ATG9A: variants seen among roughly 807,000 people sequenced by gnomAD.
ATG9A encodes autophagy-related protein 9A.
ATG9A carries 21 observed loss-of-function variants against 87.1 expected under a neutral mutation model. The observed-to-expected ratio is 0.24, with a 90% confidence interval of 0.17 to 0.35. ATG9A has a LOEUF of 0.35. ATG9A is among the 10% of genes least tolerant of loss of function. The pLI is 1.00. For synonymous variants in ATG9A, 422 were observed against 441.3 expected (o/e 0.96, Z 0.55); for missense variants, 836 against 1,107.3 (o/e 0.76, Z 3.48).
Position 219,225,151 on chromosome 2 carries a change from G to T in ATG9A, c.436C>A (p.Arg146=), listed in dbSNP as rs779422262. Residue 146 remains arginine, a synonymous_variant, in exon 7 of 16, where the codon CGG becomes AGG. Coordinates refer to ENST00000361242, the MANE Select transcript of ATG9A (RefSeq NM_001077198.3). ...ATGTTATAGATGAACTTGATAAGCC[G>T]GTGGATCCAGAAGACACCAGCAATG... ...LVIAGVFWIH[R]LIKFIYNICC... 3 of 1,614,046 alleles carry T rather than the reference G, an allele frequency of 1.9e-6. No individual in the cohort carries two copies. Among genetic ancestry groups the T allele is most frequent in the Admixed American group, 1.7e-5 (1 of 60,004 alleles).
rs777924428 is a variant in ATG9A, at chr2:219,222,703, C to A, written c.1790G>T (p.Gly597Val). ...DGAAASLAQGGLLPENALFTS... is the reference protein window; with the variant it reads ...DGAAASLAQGVLLPENALFTS... ...AAAGAGGGCATTTTCAGGGAGCAGA[C>A]CCCCTTGGGCGAGGCTAGCAGCTGC... Residue 597 changes from glycine (G) to valine (V), a missense_variant, in exon 11 of 16, where the codon GGT (glycine) becomes GTT (valine). Gly to Val is a moderately radical substitution (Grantham distance 109). This residue lies in a region of ATG9A where 324 missense variants were observed against 347.6 expected (regional missense o/e 0.93). Coordinates refer to ENST00000361242, the MANE Select transcript of ATG9A (RefSeq NM_001077198.3). This position sits in a 1 kb window ranked among gnomAD's most constrained non-coding sequence, Gnocchi z 4.3. The A allele has an allele frequency of 1.9e-6, 3 of 1,614,084 alleles. No homozygotes were observed. The highest frequency in any genetic ancestry group is 1.3e-5 in the African/African-American group (1 of 74,938).
Position 219,220,798 on chromosome 2 carries a change from CT to C in ATG9A, c.2462del (p.Glu821GlyfsTer23). ...CCTCCGAGCCCTCTTCGGGCACGGG[CT>C]CAGGGTGCCTTGATGCCGACTGCCC... ...EDGQSASRHPEPVPEEGSEDE... is the reference protein window; with the variant it reads ...EDGQSASRHPXPVPEEGSEDE... On this transcript the variant is annotated frameshift_variant, in exon 15 of 16. Coordinates refer to ENST00000361242, the MANE Select transcript of ATG9A (RefSeq NM_001077198.3). LOFTEE classifies it high-confidence loss of function. 6.2e-7 allele frequency: 1 copy of C among 1,613,486 alleles called. No individual in the cohort carries two copies.
In ATG9A at chr2:219,226,882, T is replaced by G; in HGVS notation, c.199A>C (p.Ile67Leu). Reference sequence around the variant, plus strand: ...TCTTATACTTACATGAGCTCAAAGATCTCCCCGATGAGCATACATGTGAAG... The same window carrying G: ...TCTTATACTTACATGAGCTCAAAGAGCTCCCCGATGAGCATACATGTGAAG... Reference protein sequence around the residue: ...NGFTCMLIGEIFELMQFLFVV... With the variant: ...NGFTCMLIGELFELMQFLFVV... Residue 67 changes from isoleucine to leucine, a missense_variant, in exon 5 of 16, where the codon ATC becomes CTC. Transcript: ENST00000361242. 6.2e-7 allele frequency: 1 copy of G among 1,612,896 alleles called. No individual in the cohort carries two copies. Among genetic ancestry groups the G allele is most frequent in the South Asian group, 1.1e-5 (1 of 91,078 alleles).
Position 219,224,638 on chromosome 2 carries a change from G to C in ATG9A, c.733C>G (p.Arg245Gly). Residue 245 changes from arginine to glycine, a missense_variant, in exon 8 of 16, where the codon CGT (arginine) becomes GGT (glycine). This residue lies in a region of ATG9A where 512 missense variants were observed against 759.6 expected (regional missense o/e 0.67). Coordinates refer to ENST00000361242, the MANE Select transcript of ATG9A (RefSeq NM_001077198.3). The surrounding 1 kb of genome is among the most constrained non-coding windows in gnomAD (Gnocchi z 7.7). ...AGCTCAAAGTTGTACTTGAGACCACGGGTGAAGAAGACAGCTTCCCCGAGG... is the reference window on the plus strand; with the variant it reads ...AGCTCAAAGTTGTACTTGAGACCACCGGTGAAGAAGACAGCTTCCCCGAGG... ...PGLGEAVFFT[R>G]GLKYNFELIL... is the part of the protein sequence containing the mutation. The C allele has an allele frequency of 1.9e-6, 3 of 1,614,220 alleles. No individual in the cohort carries two copies. The highest frequency in any genetic ancestry group is 2.5e-6 in the Non-Finnish European group (3 of 1,180,048).
At chr2:219,226,725 C>T (rs1241391373) in intron 5 of ATG9A, 144 bp downstream of exon 5, 3 of 721,044 alleles carry the variant, frequency 4.2e-6, no homozygotes, top group Non-Finnish European at 7.3e-6. Context: ...TTTGGTGCCA[C>T]ACCCAGTCCC....
chr2:219,228,038 T>A lies in ATG9A; in HGVS notation c.-14A>T. ...AAACTGCGCCATCACCACCGCCCCCTGTCCACCTTGACCACCTGCCAATAA... is the reference window on the plus strand; with the variant it reads ...AAACTGCGCCATCACCACCGCCCCCAGTCCACCTTGACCACCTGCCAATAA... On this transcript the variant is annotated 5_prime_UTR_variant, in exon 3 of 16. Transcript: ENST00000361242. 6.2e-7 allele frequency: 1 copy of A among 1,606,560 alleles called. No individual in the cohort carries two copies. Among genetic ancestry groups the A allele is most frequent in the Non-Finnish European group, 8.5e-7 (1 of 1,174,898 alleles).
chr2:219,224,843 C>T lies in ATG9A; in HGVS notation c.528G>A (p.Pro176=), dbSNP rs375319828. The change falls in exon 8 of 16, where the codon CCG becomes CCA. Residue 176 remains proline, a synonymous_variant. Transcript: ENST00000361242. The surrounding 1 kb of genome is among the most constrained non-coding windows in gnomAD (Gnocchi z 7.7). ...HALRIPMSAL[P]YCTWQEVQAR... ...CCTGCACTTCTTGCCACGTGCAATA[C>T]GGAAGGGCAGACTGCGGGGTGGGGT... is the stretch of plus-strand genomic sequence containing the variant. 5.9e-5 allele frequency: 94 copies of T among 1,599,212 alleles called. No individual in the cohort carries two copies. Among genetic ancestry groups the T allele is most frequent in the South Asian group, 4.8e-4 (43 of 90,206 alleles).
Position 219,222,334 on chromosome 2 carries a change from G to A in ATG9A, c.1965C>T (p.Phe655=). 2 of 1,613,340 alleles carry A rather than the reference G, an allele frequency of 1.2e-6. No individual in the cohort carries two copies. Among genetic ancestry groups the A allele is most frequent in the Middle Eastern group, 1.6e-4 (1 of 6,062 alleles). The change falls in exon 12 of 16, where the codon TTC becomes TTT. Residue 655 remains phenylalanine, a synonymous_variant. Coordinates refer to ENST00000361242, the MANE Select transcript of ATG9A (RefSeq NM_001077198.3). This position sits in a 1 kb window ranked among gnomAD's most constrained non-coding sequence, Gnocchi z 4.3. ...GCGCCTGCCCGGGTTGCAGCGGGGA[G>A]AAGGAGCGCAGGGCAGAGGCGACTT... The part of the protein sequence containing the change: ...RAEVASALRS[F]SPLQPGQAPT...
chr2:219,221,386 C>T (rs1574825503), intron 13 of ATG9A, 84 bp from the exon 14 acceptor site: 1 of 1,261,898 alleles, frequency 7.9e-7, no homozygotes, highest in Non-Finnish European at 1.1e-6. Flanking sequence ...TCAGTCAGTT[C>T]CCGCTTTACC....
Position 219,227,759 on chromosome 2 carries a change from A to G in ATG9A, c.147+11T>C. ...GGTCCCAGAGCTCCAACTCAGAAACACAAAGGATATTCGAGAGAAGAAGAG... is the reference window on the plus strand; with the variant it reads ...GGTCCCAGAGCTCCAACTCAGAAACGCAAAGGATATTCGAGAGAAGAAGAG... On this transcript the variant is annotated intron_variant, in intron 4 of 15. Coordinates refer to ENST00000361242, the MANE Select transcript of ATG9A (RefSeq NM_001077198.3). 3.1e-6 allele frequency: 5 copies of G among 1,613,852 alleles called. No homozygotes were observed. The highest frequency in any genetic ancestry group is 4.2e-6 in the Non-Finnish European group (5 of 1,179,728).
intron 5 of ATG9A, 82 bp downstream of exon 5, chr2:219,226,787 G>A: frequency 3.0e-6 from 4 of 1,329,430 alleles, no homozygotes; most frequent in Non-Finnish European, 4.3e-6. Flanking sequence ...TGTACTGGCA[G>A]GTTGGGCCAA....
intron 7 of ATG9A, 52 bp downstream of exon 7, chr2:219,225,019 C>T (rs1950833369): frequency 1.2e-6 from 2 of 1,607,296 alleles, no homozygotes; most frequent in Non-Finnish European, 1.7e-6. Context: ...TACACCCACA[C>T]CTCCCAATAC....
In ATG9A at chr2:219,224,951, G is replaced by C; in HGVS notation, c.517-97C>G. On this transcript the variant is annotated intron_variant, in intron 7 of 15. Coordinates refer to ENST00000361242, the MANE Select transcript of ATG9A (RefSeq NM_001077198.3). The surrounding 1 kb of genome is among the most constrained non-coding windows in gnomAD (Gnocchi z 7.7). ...TAGAAGTGAGATTCAGGGGTTGTGA[G>C]CTTAAGAGACAGTTCCTGATTTGTC... is the stretch of plus-strand genomic sequence containing the variant. 1 of 1,577,128 alleles carries C rather than the reference G, an allele frequency of 6.3e-7. No homozygotes were observed. The highest frequency in any genetic ancestry group is 8.7e-7 in the Non-Finnish European group (1 of 1,155,074).
At chr2:219,227,613 A>C (rs1950889136) in intron 4 of ATG9A, among the ~76,000 whole-genome samples, 157 bp downstream of exon 4, 3 of 152,200 alleles carry the variant, frequency 2.0e-5, no homozygotes, top group Admixed American at 6.5e-5. Context: ...GGCTATCATT[A>C]CTTAACGATG....
rs563118525 is a variant in ATG9A, at chr2:219,223,517, G to A, written c.1599+68C>T. ...TGACTCAGGAGAGGTGTCTTTTTGC[G>A]GTTTTCCCAAAGACACTGTATGTTC... On this transcript the variant is annotated intron_variant, in intron 10 of 15. Coordinates refer to ENST00000361242, the MANE Select transcript of ATG9A (RefSeq NM_001077198.3). The surrounding 1 kb of genome is among the most constrained non-coding windows in gnomAD (Gnocchi z 4.7). 50 of 1,493,856 alleles carry A rather than the reference G, an allele frequency of 3.3e-5. No individual in the cohort carries two copies. Among genetic ancestry groups the A allele is most frequent in the East Asian group, 2.7e-4 (12 of 43,842 alleles). The allele number at this position is 1,493,856 out of a possible 1,614,324, so 92.5% of individuals were successfully genotyped here.
rs1950956658 is a variant in ATG9A at position 219,229,409 on chromosome 2, C to CCCCCG, written c.-82+121_-82+125dup. 1 of 152,166 alleles carries CCCCCG rather than the reference C, an allele frequency of 6.6e-6. No homozygotes were observed. The highest frequency in any genetic ancestry group is 2.4e-5 in the African/African-American group (1 of 41,352). 9.4% of individuals were successfully genotyped at this position (152,166 alleles called of 1,614,324 possible). On this transcript the variant is annotated intron_variant, in intron 1 of 15. Coordinates refer to ENST00000361242, the MANE Select transcript of ATG9A (RefSeq NM_001077198.3). The surrounding 1 kb of genome is among the most constrained non-coding windows in gnomAD (Gnocchi z 4.2). Reference sequence around the variant, plus strand: ...GCAATCAAAACATTCCGGCTGCGCGCCCCCGCCCCGCCGGCGGCGCCCCTT... The same window carrying CCCCCG: ...GCAATCAAAACATTCCGGCTGCGCGCCCCCGCCCCGCCCCGCCGGCGGCGCCCCTT...
chr2:219,222,041 T>C lies in ATG9A; in HGVS notation c.2145+9A>G, dbSNP rs376745930. 3.1e-6 allele frequency: 5 copies of C among 1,611,406 alleles called. No homozygotes were observed. The African/African-American group carries it at 4.0e-5, about 13-fold the overall frequency. On this transcript the variant is annotated intron_variant, in intron 13 of 15. Transcript: ENST00000361242. The surrounding 1 kb of genome is among the most constrained non-coding windows in gnomAD (Gnocchi z 4.3). ...AACCCTCTACTCTCTTTTTTAGCTGTGCACTCACCTGGTGCATATAGAGGG... is the reference window on the plus strand; with the variant it reads ...AACCCTCTACTCTCTTTTTTAGCTGCGCACTCACCTGGTGCATATAGAGGG...
rs1198981522 is a variant in ATG9A, at chr2:219,224,902, TGCCTC to T, written c.517-53_517-49del. 6.3e-7 allele frequency: 1 copy of T among 1,599,772 alleles called. No individual in the cohort carries two copies. Among genetic ancestry groups the T allele is most frequent in the South Asian group, 1.1e-5 (1 of 90,240 alleles). ...GACAAGGTACGGAAGGTGGGGTTGT[TGCCTC>T]GACCCCTTTGCCCTATATTAGAAGT... On this transcript the variant is annotated intron_variant, in intron 7 of 15. Transcript: ENST00000361242. The surrounding 1 kb of genome is among the most constrained non-coding windows in gnomAD (Gnocchi z 7.7).
At position 219,220,886 on chromosome 2, in the gene ATG9A, C is replaced by T. The variant is rs768508644; in HGVS notation, c.2375G>A (p.Gly792Asp). The change falls in exon 15 of 16, where the codon GGC becomes GAC. Residue 792 changes from glycine to aspartate, a missense_variant. Physicochemically the swap from Gly to Asp is moderately conservative, Grantham distance 94 (BLOSUM62 -1). Around this residue, in one of 2 missense-constraint regions of ATG9A, gnomAD observed 324 missense variants for 347.6 expected, o/e 0.93. Coordinates refer to ENST00000361242, the MANE Select transcript of ATG9A (RefSeq NM_001077198.3). ...ATGAGAGGGAACCCTGGGCACTGTG[C>T]CAGGATCTGGAGAGACAAGTAAGAG... ...QRRYGGITDP[G>D]TVPRVPSHFS... The T allele has an allele frequency of 8.7e-6, 14 of 1,612,120 alleles. No homozygotes were observed. The highest frequency in any genetic ancestry group is 1.7e-5 in the Admixed American group (1 of 59,794).
Sources: gnomAD v4.1 joint callset for allele counts (sites outside exome capture counted in the v4.1 genomes callset) on GRCh38, gnomAD v4.1.1 for gene constraint, gnomAD v4.1.1 regional missense constraint, Gnocchi (gnomAD v3.1) non-coding constraint, MANE v1.5 for transcripts, NCBI Gene and HGNC (gene_info 2026-07-23, HGNC 2026-07-21) for gene names.